Variants in SCRG1 observed in about 807,000 individuals in gnomAD.
SCRG1 encodes stimulator of chondrogenesis 1, also known as scrapie-responsive protein 1.
SCRG1 carries 3 observed loss-of-function variants against 7.7 expected under a neutral mutation model. The ratio of observed to expected loss-of-function variants is 0.39; its 90% CI spans 0.18 to 1.01. The LOEUF (loss-of-function observed/expected upper bound fraction) is 1.01, where lower values mean the gene tolerates loss of function less well. Among genes scored for constraint, SCRG1 ranks in the 50% least tolerant of loss-of-function variants. The pLI is 0.36. For synonymous variants in SCRG1, 46 were observed against 41.2 expected, an observed-to-expected ratio of 1.12 and a Z score of -0.44; for missense variants, 110 against 117.2, an observed-to-expected ratio of 0.94 and a Z score of 0.28.
chr4:173,457,791 G>C, the SCRG1 span, among the ~76,000 whole-genome samples: 341 of 152,154 alleles, frequency 2.2e-3, 1 homozygote, highest in Non-Finnish European at 3.7e-3. Flanking sequence ...ATACTACCTG[G>C]AGAGCTTGAT....
At chr4:173,432,831 T>G in the SCRG1 span, among the ~76,000 whole-genome samples, 1 of 152,302 alleles carries the variant, frequency 6.6e-6, no homozygotes, top group Middle Eastern at 3.4e-3. Context: ...CATCTCAGAG[T>G]GCTGTGTGAT....
the SCRG1 span, among the ~76,000 whole-genome samples, chr4:173,438,176 C>T: frequency 1.3e-5 from 2 of 152,102 alleles, no homozygotes; most frequent in Non-Finnish European, 2.9e-5. Context: ...AGTGCAGTGG[C>T]ATGATCTGGG....
the SCRG1 span, among the ~76,000 whole-genome samples, chr4:173,435,856 A>T: frequency 6.6e-6 from 1 of 152,156 alleles, no homozygotes; most frequent in South Asian, 2.1e-4. Context: ...CTGCTCACAG[A>T]CAAAAGGATG....
At chr4:173,412,938 C>T in the SCRG1 span, among the ~76,000 whole-genome samples, 516 of 152,252 alleles carry the variant, frequency 3.4e-3, 2 homozygotes, top group African/African-American at 0.012. Flanking sequence ...AGGAAATACT[C>T]AATTTCCCCC....
chr4:173,423,770 G>C, the SCRG1 span, among the ~76,000 whole-genome samples: 1 of 151,772 alleles, frequency 6.6e-6, no homozygotes, highest in Non-Finnish European at 1.5e-5. Flanking sequence ...GAGTATTACA[G>C]ACTGGGTAGT....
chr4:173,454,047 T>TG, the SCRG1 span, among the ~76,000 whole-genome samples: 2 of 146,674 alleles, frequency 1.4e-5, no homozygotes, highest in African/African-American at 5.0e-5. Context: ...CACTGCACTC[T>TG]GGCCTGCGTG....
the SCRG1 span, among the ~76,000 whole-genome samples, chr4:173,457,804 A>G: frequency 6.6e-6 from 1 of 152,166 alleles, no homozygotes; most frequent in Non-Finnish European, 1.5e-5. Flanking sequence ...AGCTTGATTC[A>G]TAGGTGCTGC....
chr4:173,437,746 T>C, the SCRG1 span, among the ~76,000 whole-genome samples: 1 of 152,340 alleles, frequency 6.6e-6, no homozygotes, highest in African/African-American at 2.4e-5. Flanking sequence ...TTCCTTTATA[T>C]ATTAAAGATA....
the SCRG1 span, among the ~76,000 whole-genome samples, chr4:173,463,592 T>C: frequency 6.6e-6 from 1 of 152,188 alleles, no homozygotes; most frequent in Admixed American, 6.5e-5. Flanking sequence ...GGCTGTACCA[T>C]TGAGGGAAGG....
upstream of SCRG1, among the ~76,000 whole-genome samples, chr4:173,410,117 A>C (rs1041977427): frequency 1.3e-5 from 2 of 152,220 alleles, no homozygotes; most frequent in African/African-American, 4.8e-5. Context: ...TGAAGGGCTA[A>C]GATAGCTCTG....
the SCRG1 span, among the ~76,000 whole-genome samples, chr4:173,441,496 C>A: frequency 6.6e-6 from 1 of 152,156 alleles, no homozygotes; most frequent in Admixed American, 6.5e-5. Flanking sequence ...CATGGAACAC[C>A]TGTAGACCTC....
chr4:173,510,382 C>A, the SCRG1 span, among the ~76,000 whole-genome samples: 14 of 151,850 alleles, frequency 9.2e-5, no homozygotes, highest in Non-Finnish European at 1.5e-4. This position sits in a 1 kb window ranked among gnomAD's most constrained non-coding sequence, Gnocchi z 5.7. Flanking sequence ...CCGGCCAGTA[C>A]TCCAGGGCAA....
At chr4:173,474,155 A>G in the SCRG1 span, among the ~76,000 whole-genome samples, 7 of 152,118 alleles carry the variant, frequency 4.6e-5, no homozygotes. Flanking sequence ...TGGGTGACAT[A>G]GCGAGTTTCC....
chr4:173,420,857 G>A, the SCRG1 span, among the ~76,000 whole-genome samples: 2 of 152,196 alleles, frequency 1.3e-5, no homozygotes, highest in Non-Finnish European at 2.9e-5. Flanking sequence ...ATTGTCAATT[G>A]CAAGCTATTT....
chr4:173,452,822 T>G, the SCRG1 span, among the ~76,000 whole-genome samples: 1 of 152,346 alleles, frequency 6.6e-6, no homozygotes, highest in South Asian at 2.1e-4. Context: ...AAACTTCTTG[T>G]GTACTTAGAA....
chr4:173,441,805 G>A, the SCRG1 span, among the ~76,000 whole-genome samples: 1 of 152,156 alleles, frequency 6.6e-6, no homozygotes, highest in Non-Finnish European at 1.5e-5. Context: ...AGCCCAACCA[G>A]GAGTTCAAGG....
At chr4:173,467,255 T>C in the SCRG1 span, among the ~76,000 whole-genome samples, 23 of 152,202 alleles carry the variant, frequency 1.5e-4, no homozygotes, top group African/African-American at 5.1e-4. Flanking sequence ...GATATTTTCC[T>C]GTTGTAGTAA....
At chr4:173,395,190 A>G (rs960114874) in intron 1 of SCRG1, among the ~76,000 whole-genome samples, 1 of 152,154 alleles carries the variant, frequency 6.6e-6, no homozygotes, top group African/African-American at 2.4e-5. Flanking sequence ...ATTTATCACA[A>G]TTTAAATGAT....
the SCRG1 span, among the ~76,000 whole-genome samples, chr4:173,490,907 C>T: frequency 6.6e-6 from 1 of 152,128 alleles, no homozygotes; most frequent in African/African-American, 2.4e-5. Context: ...CCTCCTGTGG[C>T]TCCTTCTGAA....
Sources: gnomAD v4.1 joint callset for allele counts (sites outside exome capture counted in the v4.1 genomes callset) on GRCh38, gnomAD v4.1.1 for gene constraint, Gnocchi (gnomAD v3.1) non-coding constraint, MANE v1.5 for transcripts, NCBI Gene and HGNC (gene_info 2026-07-23, HGNC 2026-07-21) for gene names.